Variants in RIMOC1 observed in about 807,000 individuals in gnomAD.
The protein encoded by RIMOC1 is RAB7A interacting MON1-CCZ1 complex subunit 1, also known as RAB7A-interacting MON1-CCZ1 complex subunit 1.
the RIMOC1 span, among the ~76,000 whole-genome samples, chr5:41,916,835 G>A: frequency 6.6e-6 from 1 of 152,062 alleles, no homozygotes; most frequent in Non-Finnish European, 1.5e-5. Flanking sequence ...CAGTAAAATC[G>A]ATATTAAAAA....
At chr5:41,907,047 A>G in the RIMOC1 span, among the ~76,000 whole-genome samples, 1 of 152,156 alleles carries the variant, frequency 6.6e-6, no homozygotes, top group African/African-American at 2.4e-5. Context: ...CAACAAAGGG[A>G]TTATGACATT....
At chr5:41,906,088 T>G in the RIMOC1 span, among the ~76,000 whole-genome samples, 494 of 152,370 alleles carry the variant, frequency 3.2e-3, 1 homozygote, top group African/African-American at 0.011. Flanking sequence ...TGAGTATATA[T>G]TTATACTAGG....
chr5:41,918,585 T>C, the RIMOC1 span: 4 of 985,432 alleles, frequency 4.1e-6, no homozygotes, highest in Non-Finnish European at 3.6e-6. Flanking sequence ...TCGGGGATGC[T>C]GAGTTCTTTG....
chr5:41,913,633 A>G, the RIMOC1 span, among the ~76,000 whole-genome samples: 1 of 152,240 alleles, frequency 6.6e-6, no homozygotes, highest in Middle Eastern at 3.2e-3. Context: ...GTGAAGAATA[A>G]TTAGAGTACC....
At chr5:41,910,360 T>G in the RIMOC1 span, among the ~76,000 whole-genome samples, 1 of 151,918 alleles carries the variant, frequency 6.6e-6, no homozygotes, top group East Asian at 1.9e-4. Context: ...CTGCCTTCCA[T>G]TCTAGAAACA....
chr5:41,905,631 G>A, the RIMOC1 span, among the ~76,000 whole-genome samples: 3 of 152,234 alleles, frequency 2.0e-5, no homozygotes, highest in African/African-American at 2.4e-5. Flanking sequence ...TTGGTCTGTG[G>A]ATTCACATGA....
At chr5:41,908,376 G>A in the RIMOC1 span, 2 of 152,360 alleles carry the variant, frequency 1.3e-5, no homozygotes, top group Admixed American at 6.6e-5. Context: ...CTAACATCAA[G>A]AAATGTAATT....
chr5:41,909,728 CTTTT>C, the RIMOC1 span: 39 of 1,249,398 alleles, frequency 3.1e-5, no homozygotes, highest in South Asian at 1.8e-4. Context: ...AGATATCTTT[CTTTT>C]TTTTTTTTTT....
the RIMOC1 span, chr5:41,918,046 T>A: frequency 1.0e-6 from 1 of 985,386 alleles, no homozygotes; most frequent in African/African-American, 1.7e-5. Flanking sequence ...ATACTGAAAT[T>A]TTAATGTTTT....
chr5:41,907,681 TTAAA>T, the RIMOC1 span: 1 of 1,111,046 alleles, frequency 9.0e-7, no homozygotes, highest in Admixed American at 2.5e-5. Flanking sequence ...TGTTTTTTGT[TTAAA>T]TAACACTCTG....
chr5:41,906,282 A>T, the RIMOC1 span, among the ~76,000 whole-genome samples: 2 of 152,184 alleles, frequency 1.3e-5, no homozygotes, highest in Non-Finnish European at 2.9e-5. Context: ...CACAGATTAT[A>T]TAAGAATCAG....
chr5:41,904,416 G>A, the RIMOC1 span: 2 of 1,614,152 alleles, frequency 1.2e-6, no homozygotes, highest in South Asian at 2.2e-5. Flanking sequence ...AGAGCTCGGG[G>A]ATCTGGCTCA....
chr5:41,909,658 C>T, the RIMOC1 span: 1 of 847,718 alleles, frequency 1.2e-6, no homozygotes, highest in Non-Finnish European at 1.7e-6. Flanking sequence ...TGTAATAAAG[C>T]ACCTATGTGT....
chr5:41,909,611 T>C, the RIMOC1 span: 1 of 494,890 alleles, frequency 2.0e-6, no homozygotes, highest in Non-Finnish European at 3.4e-6. Context: ...TTTTGCCTAC[T>C]TCTCAAATTT....
chr5:41,919,213 C>T, the RIMOC1 span: 1 of 152,130 alleles, frequency 6.6e-6, no homozygotes, highest in African/African-American at 2.4e-5. Context: ...AACGTCAAGT[C>T]CTCATCTGTT....
the RIMOC1 span, chr5:41,907,605 T>C: frequency 1.8e-6 from 1 of 565,388 alleles, no homozygotes; most frequent in Non-Finnish European, 3.1e-6. Context: ...ATATTATTAC[T>C]ATAATTCTGT....
the RIMOC1 span, chr5:41,917,200 A>C: frequency 6.2e-7 from 1 of 1,613,868 alleles, no homozygotes; most frequent in Non-Finnish European, 8.5e-7. Context: ...AAATCTTGAA[A>C]AAGTATGTAT....
the RIMOC1 span, chr5:41,909,730 T>C: frequency 1.0e-6 from 1 of 1,001,206 alleles, no homozygotes; most frequent in Non-Finnish European, 1.3e-6. Flanking sequence ...ATATCTTTCT[T>C]TTTTTTTTTT....
At chr5:41,911,050 C>T in the RIMOC1 span, 1 of 1,609,762 alleles carries the variant, frequency 6.2e-7, no homozygotes, top group East Asian at 2.2e-5. Context: ...TGTTTCAGCA[C>T]TGCAATTTGC....
Sources: gnomAD v4.1 joint callset for allele counts (sites outside exome capture counted in the v4.1 genomes callset) on GRCh38, gnomAD v4.1.1 for gene constraint, MANE v1.5 for transcripts, NCBI Gene and HGNC (gene_info 2026-07-23, HGNC 2026-07-21) for gene names.